The following TRAF3 variants were observed in gnomAD, a reference collection of about 807,000 sequenced individuals.
TRAF3 encodes the protein TNF receptor-associated factor 3.
TRAF3 carries 13 observed loss-of-function variants against 62.3 expected under a neutral mutation model. The observed-to-expected ratio is 0.21, with a 90% CI of 0.14 to 0.33. The LOEUF is 0.33. TRAF3 is among the 10% of genes least tolerant of loss of function. The pLI is 1.00. For synonymous variants in TRAF3, 269 were observed against 283.4 expected, an observed-to-expected ratio of 0.95 and a Z score of 0.51; for missense variants, 440 against 741.8, an observed-to-expected ratio of 0.59 and a Z score of 4.73.
intron 5 of TRAF3, 28 bp downstream of exon 5, chr14:102,875,756 T>G (rs1888612696): frequency 6.3e-7 from 1 of 1,589,848 alleles, no homozygotes; most frequent in African/African-American, 1.3e-5. Context: ...ACTGGAACCT[T>G]TTACATGAAG....
intron 9 of TRAF3, among the ~76,000 whole-genome samples, chr14:102,893,694 A>G (rs1889849949): frequency 1.3e-5 from 2 of 152,206 alleles, no homozygotes; most frequent in Non-Finnish European, 2.9e-5. Context: ...TCTCCAGCCA[A>G]GTCACGATGG....
intron 2 of TRAF3, among the ~76,000 whole-genome samples, chr14:102,847,930 C>T (rs1886817978): frequency 6.6e-6 from 1 of 151,786 alleles, no homozygotes. Flanking sequence ...ACCTCATGGC[C>T]CAGGAATGAG....
intron 2 of TRAF3, among the ~76,000 whole-genome samples, chr14:102,839,227 T>C (rs1886223719): frequency 7.0e-6 from 1 of 142,668 alleles, no homozygotes; most frequent in African/African-American, 2.7e-5. Context: ...TTTTTTTTTT[T>C]TTTTTTTTTT....
intron 2 of TRAF3, among the ~76,000 whole-genome samples, chr14:102,851,853 G>A (rs983692930): frequency 6.6e-6 from 1 of 151,900 alleles, no homozygotes; most frequent in African/African-American, 2.4e-5. Flanking sequence ...CCACATTGGC[G>A]AGACCTACCT....
At chr14:102,893,403 A>C (rs1434349608) in intron 9 of TRAF3, among the ~76,000 whole-genome samples, 1 of 151,730 alleles carries the variant, frequency 6.6e-6, no homozygotes, top group Non-Finnish European at 1.5e-5. Context: ...AAAAAAAAAA[A>C]AGGAATGGGC....
At chr14:102,841,420 C>T (rs138292416) in intron 2 of TRAF3, among the ~76,000 whole-genome samples, 2 of 152,310 alleles carry the variant, frequency 1.3e-5, no homozygotes, top group Non-Finnish European at 2.9e-5. Flanking sequence ...AGTTTGTGTT[C>T]CCACCACCCA....
intron 7 of TRAF3, among the ~76,000 whole-genome samples, chr14:102,888,421 A>G (rs1365257226): frequency 1.3e-5 from 2 of 152,142 alleles, no homozygotes; most frequent in African/African-American, 2.4e-5. Flanking sequence ...CCCTTCCCGC[A>G]GTGTCCCTCC....
chr14:102,859,874 A>G (rs1234097789), intron 2 of TRAF3, among the ~76,000 whole-genome samples: 1 of 152,236 alleles, frequency 6.6e-6, no homozygotes, highest in Non-Finnish European at 1.5e-5. Context: ...GAAAGCATGC[A>G]GTTTCTATGG....
chr14:102,795,610 G>GTGTGTGTGTT (rs1423264747), intron 1 of TRAF3, among the ~76,000 whole-genome samples: 5 of 151,524 alleles, frequency 3.3e-5, no homozygotes, highest in African/African-American at 9.7e-5. Flanking sequence ...GTGTGTGTGT[G>GTGTGTGTGTT]TGTGTGTGTG....
At chr14:102,822,057 CAATAA>C (rs1555368739) in intron 1 of TRAF3, among the ~76,000 whole-genome samples, 1 of 151,960 alleles carries the variant, frequency 6.6e-6, no homozygotes, top group Non-Finnish European at 1.5e-5. Context: ...AAATAAAATA[CAATAA>C]AATAAAAGAC....
chr14:102,811,913 CTTTTTTTTTTTTTTTTTT>C (rs71119743), intron 1 of TRAF3, among the ~76,000 whole-genome samples: 5 of 47,078 alleles, frequency 1.1e-4, no homozygotes, highest in East Asian at 9.9e-4. Flanking sequence ...ATGCCTGGCC[CTTTTTTTTTTTTTTTTTT>C]TTTTTTTTTT....
At chr14:102,820,575 T>TATATATATATATATATATATATATTGC in intron 1 of TRAF3, among the ~76,000 whole-genome samples, 1 of 5,692 alleles carries the variant, frequency 1.8e-4, no homozygotes, top group African/African-American at 6.8e-4. Context: ...GGGACCAGCA[T>TATATATATATATATATATATATATTGC]ATATATATAT....
intron 2 of TRAF3, among the ~76,000 whole-genome samples, chr14:102,859,085 A>T (rs1173708253): frequency 6.6e-6 from 1 of 152,166 alleles, no homozygotes. Flanking sequence ...GTATGTTCAC[A>T]CACAGAATTT....
In TRAF3 at chr14:102,870,453, G is replaced by C. The variant is rs549971853; in HGVS notation, c.245+7G>C. On this transcript the variant is annotated splice_region_variant and intron_variant, in intron 3 of 11. Transcript: ENST00000392745. ...GCATGGCGGCCCTGCTGAGGTAGGC[G>C]CCCTCGCCCGGCCCGTCGCCCGGCC... 2 of 1,612,484 alleles carry C rather than the reference G, an allele frequency of 1.2e-6. No individual in the cohort carries two copies. Among genetic ancestry groups the C allele is most frequent in the Admixed American group, 3.3e-5 (2 of 59,980 alleles).
At position 102,909,670 on chromosome 14, in the gene TRAF3, C is replaced by G. The variant is rs1890763005; in HGVS notation, c.*3886C>G. 1 of 152,348 alleles carries G rather than the reference C, an allele frequency of 6.6e-6. No individual in the cohort carries two copies. 9.4% of individuals were successfully genotyped at this position (152,348 alleles called of 1,614,324 possible). On this transcript the variant is annotated 3_prime_UTR_variant, in exon 12 of 12. Coordinates refer to ENST00000392745, the MANE Select transcript of TRAF3 (RefSeq NM_145725.3). ...TGCACTGGCTGTGGCAGGAGGCTTC[C>G]CCATGACCCCGTGTGGCCCAGCTCG...
intron 1 of TRAF3, among the ~76,000 whole-genome samples, chr14:102,817,911 C>CA (rs1899635147): frequency 6.6e-6 from 1 of 152,146 alleles, no homozygotes; most frequent in Non-Finnish European, 1.5e-5. Flanking sequence ...CATAATAGAG[C>CA]TTTTGCAGCT....
chr14:102,821,362 A>C (rs979962212), intron 1 of TRAF3, among the ~76,000 whole-genome samples: 15 of 152,218 alleles, frequency 9.9e-5, no homozygotes, highest in Non-Finnish European at 1.3e-4. Flanking sequence ...ATTTTAAGAT[A>C]GTTAAGAATA....
At chr14:102,825,372 G>A (rs946541246) in intron 1 of TRAF3, among the ~76,000 whole-genome samples, 2 of 152,216 alleles carry the variant, frequency 1.3e-5, no homozygotes, top group Admixed American at 6.5e-5. Context: ...TCAGATGGTC[G>A]AATTGAGAGG....
Position 102,857,402 on chromosome 14 carries a change from A to C in TRAF3, c.-17-12783A>C, listed in dbSNP as rs142454235. Among the ~76,000 whole-genome samples, 869 of 152,348 alleles carry C rather than the reference A, an allele frequency of 5.7e-3. 9 individuals are homozygous for C. The highest frequency in any genetic ancestry group is 9.9e-3 in the Admixed American group (151 of 15,302). On this transcript the variant is annotated intron_variant, in intron 2 of 11. Coordinates refer to ENST00000392745, the MANE Select transcript of TRAF3 (RefSeq NM_145725.3). The stretch of plus-strand genomic sequence containing the variant: ...TGGTACAACTGATTTGCTTTATTAT[A>C]CTTGGCCTGATTATTTGTATAAAGT...
Sources: allele counts gnomAD v4.1 joint callset (sites outside exome capture counted in the v4.1 genomes callset), GRCh38; gene constraint gnomAD v4.1.1; transcripts MANE v1.5; gene names NCBI Gene and HGNC (gene_info 2026-07-23, HGNC 2026-07-21).